PRR16: variants seen among roughly 807,000 people sequenced by gnomAD.
The protein encoded by PRR16 is proline rich 16.
In PRR16, 6 loss-of-function variants were observed where a neutral mutation model predicts 18.2. The ratio of observed to expected loss-of-function variants is 0.33; its 90% CI spans 0.18 to 0.65. The LOEUF (loss-of-function observed/expected upper bound fraction) is 0.65, where lower values mean the gene tolerates loss of function less well. PRR16 is among the 30% of genes least tolerant of loss of function. The pLI, the probability that PRR16 is intolerant of heterozygous loss-of-function variation, is 0.74. For missense variants in PRR16, 412 were observed against 376.6 expected (o/e 1.09, Z -0.78); for synonymous variants, 151 against 147.8 (o/e 1.02, Z -0.16).
chr5:120,577,702 G>T (rs1306081935), intron 1 of PRR16, among the ~76,000 whole-genome samples: 1 of 152,170 alleles, frequency 6.6e-6, no homozygotes, highest in Non-Finnish European at 1.5e-5. Flanking sequence ...GGAGGACACA[G>T]TAGGACAAAT....
chr5:120,561,328 G>A (rs1212745596), intron 1 of PRR16, among the ~76,000 whole-genome samples: 1 of 151,706 alleles, frequency 6.6e-6, no homozygotes, highest in Non-Finnish European at 1.5e-5. Context: ...ATTATCATTT[G>A]TTTCAATAAA....
At chr5:120,792,094 A>G in the PRR16 span, among the ~76,000 whole-genome samples, 2 of 152,200 alleles carry the variant, frequency 1.3e-5, no homozygotes, top group East Asian at 3.8e-4. Flanking sequence ...TATAAATAGG[A>G]AAGCCAACTT....
At chr5:120,705,695 TATG>T in the PRR16 span, among the ~76,000 whole-genome samples, 4 of 152,126 alleles carry the variant, frequency 2.6e-5, no homozygotes, top group Non-Finnish European at 5.9e-5. Context: ...TTATAATCAT[TATG>T]ATCACTATGT....
intron 1 of PRR16, among the ~76,000 whole-genome samples, chr5:120,584,898 A>T (rs185510155): frequency 1.3e-5 from 2 of 152,244 alleles, no homozygotes; most frequent in Non-Finnish European, 1.5e-5. Flanking sequence ...AGACACCAAG[A>T]CTTGTAGACA....
intron 1 of PRR16, among the ~76,000 whole-genome samples, chr5:120,481,448 T>C (rs1318542553): frequency 3.3e-5 from 5 of 152,162 alleles, no homozygotes; most frequent in Non-Finnish European, 1.5e-5. Context: ...AAATATATCA[T>C]TGCCGATGTT....
At chr5:120,701,569 G>T in the PRR16 span, among the ~76,000 whole-genome samples, 11 of 152,164 alleles carry the variant, frequency 7.2e-5, no homozygotes, top group African/African-American at 1.2e-4. Context: ...GTGAGGAGGG[G>T]AGGTGATAAA....
chr5:120,548,828 CCTAT>C (rs1752157905), intron 1 of PRR16, among the ~76,000 whole-genome samples: 1 of 99,054 alleles, frequency 1.0e-5, no homozygotes, highest in Admixed American at 9.0e-5. Context: ...TGACTGCCAT[CCTAT>C]CTGTTTTTAG....
the PRR16 span, among the ~76,000 whole-genome samples, chr5:120,788,756 G>A: frequency 2.6e-5 from 4 of 152,026 alleles, no homozygotes; most frequent in African/African-American, 9.7e-5. Flanking sequence ...AACACCTTTA[G>A]TAATGACTCA....
At chr5:120,755,445 C>T in the PRR16 span, among the ~76,000 whole-genome samples, 1 of 152,012 alleles carries the variant, frequency 6.6e-6, no homozygotes, top group African/African-American at 2.4e-5. Flanking sequence ...CCATGAGTGC[C>T]TGTTGTTTAG....
intron 1 of PRR16, among the ~76,000 whole-genome samples, chr5:120,632,701 A>C (rs1266364366): frequency 6.6e-6 from 1 of 152,168 alleles, no homozygotes; most frequent in Non-Finnish European, 1.5e-5. Flanking sequence ...TTTTAAAAAG[A>C]TGAACAAAGC....
chr5:120,620,035 A>G (rs1754636581), intron 1 of PRR16, among the ~76,000 whole-genome samples: 1 of 152,144 alleles, frequency 6.6e-6, no homozygotes. Context: ...CGGAGCTAAA[A>G]TTAATGTGCC....
intron 1 of PRR16, among the ~76,000 whole-genome samples, chr5:120,581,529 T>G (rs1753272606): frequency 6.6e-6 from 1 of 152,170 alleles, no homozygotes; most frequent in Non-Finnish European, 1.5e-5. Flanking sequence ...TCAATTCTTC[T>G]CTGATCTTAG....
chr5:120,594,610 T>G (rs1472588714), intron 1 of PRR16, among the ~76,000 whole-genome samples: 4 of 152,064 alleles, frequency 2.6e-5, no homozygotes, highest in Non-Finnish European at 5.9e-5. Context: ...AAAACTATTT[T>G]AAAATTCATA....
In PRR16 at chr5:120,618,694, T is replaced by G. The variant is rs193263952; in HGVS notation, c.160-67260T>G. 64 of 359,778 alleles carry G rather than the reference T, an allele frequency of 1.8e-4. 1 individual carries two copies. The Admixed American group carries it at 3.6e-3, about 20-fold the overall frequency. 22.3% of individuals were successfully genotyped at this position (359,778 alleles called of 1,614,324 possible). A position where few individuals can be genotyped will look rare whatever the true frequency, so the allele number is the denominator to read the frequency against. On this transcript the variant is annotated intron_variant, in intron 1 of 1. Transcript: ENST00000407149. Reference sequence around the variant, plus strand: ...AATTTAAAAGTCTGCCTGTGTCTGTTATTGCTAAGAGAGACCAATGGATAA... The same window carrying G: ...AATTTAAAAGTCTGCCTGTGTCTGTGATTGCTAAGAGAGACCAATGGATAA...
chr5:120,664,456 GT>G (rs139876334), intron 1 of PRR16, among the ~76,000 whole-genome samples: 2 of 147,980 alleles, frequency 1.4e-5, no homozygotes, highest in African/African-American at 5.0e-5. Context: ...AAATGTTTTT[GT>G]TTTTTTTTTA....
the PRR16 span, among the ~76,000 whole-genome samples, chr5:120,744,391 G>C: frequency 6.6e-6 from 1 of 152,198 alleles, no homozygotes; most frequent in African/African-American, 2.4e-5. Context: ...AGTTCCACAG[G>C]GTTGGAAGGG....
Position 120,592,140 on chromosome 5 carries a change from A to G in PRR16, c.160-93814A>G, listed in dbSNP as rs946275585. ...ATACTGTGTTGCAGTTTTGCCATAC[A>G]TAATGATAAAGATGTCATACTACCC... On this transcript the variant is annotated intron_variant, in intron 1 of 1. Transcript: ENST00000407149. Among the ~76,000 whole-genome samples the G allele has an allele frequency of 2.6e-5, 4 of 152,346 alleles. No homozygotes were observed. The East Asian group carries it at 5.8e-4, about 22-fold the overall frequency.
chr5:120,740,871 T>C, the PRR16 span, among the ~76,000 whole-genome samples: 12 of 152,150 alleles, frequency 7.9e-5, no homozygotes, highest in Admixed American at 3.9e-4. Flanking sequence ...GTTATTTTTA[T>C]TGTATGATAG....
intron 1 of PRR16, among the ~76,000 whole-genome samples, chr5:120,536,027 A>C (rs1226797315): frequency 1.3e-5 from 2 of 152,238 alleles, no homozygotes; most frequent in African/African-American, 4.8e-5. Context: ...GAATTTCACC[A>C]ATTATCTCAT....
Sources: gnomAD v4.1 joint callset for allele counts (sites outside exome capture counted in the v4.1 genomes callset) on GRCh38, gnomAD v4.1.1 for gene constraint, MANE v1.5 for transcripts, NCBI Gene and HGNC (gene_info 2026-07-23, HGNC 2026-07-21) for gene names.